PHACTR3: variants seen among roughly 807,000 people sequenced by gnomAD.
The protein encoded by PHACTR3 is protein phosphatase 1, regulatory subunit 123.
Under a neutral mutation model 66.8 loss-of-function variants are expected in PHACTR3, and 16 were observed. That is an observed-to-expected ratio of 0.24 (90% CI 0.16 to 0.36). The LOEUF (loss-of-function observed/expected upper bound fraction) is 0.36, where lower values mean the gene tolerates loss of function less well. Ranked by LOEUF, PHACTR3 falls within the 10% of genes least tolerant of loss-of-function variation. PHACTR3 has a pLI of 1.00. For synonymous variants in PHACTR3, 323 were observed against 292.1 expected (o/e 1.11, Z -1.08); for missense variants, 647 against 719.9 (o/e 0.90, Z 1.16).
chr20:59,599,448 C>A (rs2426800), intron 1 of PHACTR3, among the ~76,000 whole-genome samples: 5 of 151,784 alleles, frequency 3.3e-5, no homozygotes, highest in Admixed American at 3.3e-4. Context: ...TCTAAGTGCC[C>A]GCAAGAAGTA....
At chr20:59,713,834 C>A (rs1029791372) in intron 1 of PHACTR3, among the ~76,000 whole-genome samples, 1 of 151,476 alleles carries the variant, frequency 6.6e-6, no homozygotes, top group East Asian at 1.9e-4. Context: ...AAACAGTATT[C>A]CAAAATGTTT....
At chr20:59,628,693 T>G (rs2146385842) in intron 1 of PHACTR3, 1 of 985,414 alleles carries the variant, frequency 1.0e-6, no homozygotes, top group Non-Finnish European at 1.2e-6. Flanking sequence ...CCCTGTTGCC[T>G]GTGCTCTGGA....
chr20:59,733,996 G>A (rs962527100), intron 1 of PHACTR3, among the ~76,000 whole-genome samples: 1 of 151,646 alleles, frequency 6.6e-6, no homozygotes, highest in Non-Finnish European at 1.5e-5. Context: ...CATCCTCACC[G>A]AGATTCCACG....
intron 1 of PHACTR3, among the ~76,000 whole-genome samples, chr20:59,733,592 A>G (rs1352270520): frequency 6.6e-6 from 1 of 152,166 alleles, no homozygotes; most frequent in Admixed American, 6.5e-5. Flanking sequence ...CATCTAGCAC[A>G]GGACTGGGAG....
At chr20:59,630,983 T>C (rs528181004) in intron 1 of PHACTR3, among the ~76,000 whole-genome samples, 15 of 152,226 alleles carry the variant, frequency 9.9e-5, no homozygotes, top group Non-Finnish European at 2.2e-4. Flanking sequence ...GTGGGGTTTC[T>C]GGAGTTGAAG....
At chr20:59,774,546 C>T in intron 7 of PHACTR3, 56 bp downstream of exon 7, 1 of 1,558,324 alleles carries the variant, frequency 6.4e-7, no homozygotes, top group South Asian at 1.2e-5. Flanking sequence ...TCTAGTGTCA[C>T]CAGGGGGTCG....
At chr20:59,771,538 C>A (rs1006946758) in intron 5 of PHACTR3, among the ~76,000 whole-genome samples, 1 of 152,082 alleles carries the variant, frequency 6.6e-6, no homozygotes, top group South Asian at 2.1e-4. Context: ...CCACCTCCCC[C>A]CGACCAGCCC....
rs542519162 is a variant in PHACTR3, at chr20:59,814,812, A to G, written c.1328+8618A>G. Among the ~76,000 whole-genome samples, 156 of 152,168 alleles carry G rather than the reference A, an allele frequency of 1.0e-3. 2 individuals are homozygous for G. The highest frequency in any genetic ancestry group is 1.8e-3 in the Admixed American group (28 of 15,286). On this transcript the variant is annotated intron_variant, in intron 8 of 12. Transcript: ENST00000371015. ...AGCTTTTTTTAAAAGCACAATCTGA[A>G]GACACTGGGGTCTGGAAACCCATTT...
chr20:59,784,330 A>G (rs200784622), intron 7 of PHACTR3, among the ~76,000 whole-genome samples: 3 of 125,754 alleles, frequency 2.4e-5, no homozygotes, highest in Admixed American at 1.6e-4. Flanking sequence ...ATATATATAT[A>G]TGTGTATATA....
intron 1 of PHACTR3, among the ~76,000 whole-genome samples, chr20:59,671,021 C>A (rs1267274271): frequency 1.3e-5 from 2 of 152,138 alleles, no homozygotes; most frequent in African/African-American, 4.8e-5. Flanking sequence ...GTGAGGCTGC[C>A]CCACCCCCTC....
At chr20:59,795,937 A>C (rs2426838) in intron 7 of PHACTR3, among the ~76,000 whole-genome samples, 148,224 of 152,194 alleles carry the variant, frequency 0.97, 72,207 homozygotes, top group East Asian at 1. Context: ...TCTCTATTTT[A>C]GCTGGAGACT....
chr20:59,805,901 T>C, intron 7 of PHACTR3, 140 bp from the exon 8 acceptor site: 1 of 874,674 alleles, frequency 1.1e-6, no homozygotes, highest in Non-Finnish European at 1.8e-6. Context: ...CGAGCGTGTG[T>C]CCTCTCAGTT....
chr20:59,710,617 C>A (rs868187805), intron 1 of PHACTR3, among the ~76,000 whole-genome samples: 3 of 151,708 alleles, frequency 2.0e-5, no homozygotes, highest in Admixed American at 6.7e-5. Context: ...TTCTACAGAG[C>A]CTTCCCCTCT....
intron 7 of PHACTR3, among the ~76,000 whole-genome samples, chr20:59,780,701 C>A (rs1439686771): frequency 3.9e-5 from 6 of 152,180 alleles, no homozygotes; most frequent in African/African-American, 1.4e-4. Context: ...CTGGGTGGGC[C>A]TCCGTCTCTG....
At chr20:59,737,502 C>G (rs1252522407) in intron 1 of PHACTR3, among the ~76,000 whole-genome samples, 1 of 147,674 alleles carries the variant, frequency 6.8e-6, no homozygotes, top group Non-Finnish European at 1.5e-5. Flanking sequence ...GTGTGTGTGT[C>G]TGTGTGCGTG....
intron 7 of PHACTR3, among the ~76,000 whole-genome samples, chr20:59,778,099 C>T (rs2040599145): frequency 6.6e-6 from 1 of 152,182 alleles, no homozygotes; most frequent in Non-Finnish European, 1.5e-5. Flanking sequence ...TTCGCGGGTC[C>T]AGCCAACTCC....
chr20:59,725,979 T>G (rs1336886982), intron 1 of PHACTR3, among the ~76,000 whole-genome samples: 1 of 152,138 alleles, frequency 6.6e-6, no homozygotes, highest in East Asian at 1.9e-4. Context: ...GTGGATCCAG[T>G]GTTCTACTCC....
At position 59,755,358 on chromosome 20, in the gene PHACTR3, G is replaced by A. The variant is rs765461023; in HGVS notation, c.535G>A (p.Asp179Asn). 3.3e-5 allele frequency: 54 copies of A among 1,613,112 alleles called. No individual in the cohort carries two copies. Among genetic ancestry groups the A allele is most frequent in the Admixed American group, 5.0e-5 (3 of 59,960 alleles). The change falls in exon 4 of 13, where the codon GAT becomes AAT. Residue 179 changes from aspartate (D) to asparagine (N), a missense_variant. Around this residue, in one of 2 missense-constraint regions of PHACTR3, gnomAD observed 577 missense variants for 571.1 expected, o/e 1.01. Coordinates refer to ENST00000371015, the MANE Select transcript of PHACTR3 (RefSeq NM_080672.5). ...ACTGTCCTCAGCTGCCCACTTGGAC[G>A]ATGCAGGTACTGGCTGGAGACCACG... ...KPLSSAAHLD[D>N]AAKMPSASSG...
chr20:59,783,986 T>A (rs545603777), intron 7 of PHACTR3, among the ~76,000 whole-genome samples: 17 of 152,348 alleles, frequency 1.1e-4, no homozygotes, highest in African/African-American at 4.1e-4. Flanking sequence ...AAGGTCAATC[T>A]TGTGTGTCCT....
Sources: gnomAD v4.1 joint callset for allele counts (sites outside exome capture counted in the v4.1 genomes callset) on GRCh38, gnomAD v4.1.1 for gene constraint, gnomAD v4.1.1 regional missense constraint, MANE v1.5 for transcripts, NCBI Gene and HGNC (gene_info 2026-07-23, HGNC 2026-07-21) for gene names.